The following THSD7B variants were observed in gnomAD, a reference collection of about 807,000 sequenced individuals.
THSD7B encodes thrombospondin type-1 domain-containing protein 7B.
THSD7B carries 138 observed loss-of-function variants against 213.6 expected under a neutral mutation model. The ratio of observed to expected loss-of-function variants is 0.65; its 90% CI spans 0.56 to 0.74. The LOEUF (loss-of-function observed/expected upper bound fraction) is 0.74. Ranked by LOEUF, THSD7B falls within the 30% of genes least tolerant of loss-of-function variation. The probability of loss-of-function intolerance (pLI) is 0.00; values close to 1 mark genes in which losing one functional copy is unlikely to be tolerated. For synonymous variants in THSD7B, 742 were observed against 687.0 expected (o/e 1.08, Z -1.25); for missense variants, 1,931 against 1,991.5 (o/e 0.97, Z 0.58).
intron 5 of THSD7B, among the ~76,000 whole-genome samples, chr2:137,147,530 T>C (rs1466599798): frequency 6.6e-6 from 1 of 151,088 alleles, no homozygotes; most frequent in Non-Finnish European, 1.5e-5. Flanking sequence ...CTTGTCTGGT[T>C]TTTTTTTTGT....
At chr2:136,886,943 C>A (rs1170107902) in intron 2 of THSD7B, among the ~76,000 whole-genome samples, 1 of 151,936 alleles carries the variant, frequency 6.6e-6, no homozygotes. Flanking sequence ...AGAGCTACTA[C>A]CAAAGAGGTA....
At chr2:136,792,950 T>C (rs1251526724) in intron 1 of THSD7B, among the ~76,000 whole-genome samples, 3 of 152,178 alleles carry the variant, frequency 2.0e-5, no homozygotes, top group African/African-American at 7.2e-5. Flanking sequence ...GTAGTATTCC[T>C]TTGTCTTGAT....
At chr2:137,380,543 A>G (rs1685750431) in intron 12 of THSD7B, among the ~76,000 whole-genome samples, 1 of 152,250 alleles carries the variant, frequency 6.6e-6, no homozygotes, top group Admixed American at 6.5e-5. Flanking sequence ...GCAGAGGGAC[A>G]GATGGAAAGG....
intron 15 of THSD7B, among the ~76,000 whole-genome samples, chr2:137,487,089 C>G (rs1458232407): frequency 6.7e-6 from 1 of 148,304 alleles, no homozygotes; most frequent in Non-Finnish European, 1.5e-5. Flanking sequence ...AAGAACTAGG[C>G]CGGGCGCGGT....
chr2:136,936,849 C>G (rs2105055131), intron 2 of THSD7B, among the ~76,000 whole-genome samples: 1 of 152,080 alleles, frequency 6.6e-6, no homozygotes, highest in South Asian at 2.1e-4. Flanking sequence ...GAAATGATAA[C>G]ATTTCTCCTT....
chr2:137,074,273 A>G (rs1183958878), intron 3 of THSD7B, among the ~76,000 whole-genome samples: 1 of 152,074 alleles, frequency 6.6e-6, no homozygotes, highest in African/African-American at 2.4e-5. Flanking sequence ...GTGCTCCTGT[A>G]TTGGGTGCAT....
At chr2:137,132,722 C>A (rs1688761329) in intron 5 of THSD7B, among the ~76,000 whole-genome samples, 1 of 152,144 alleles carries the variant, frequency 6.6e-6, no homozygotes, top group African/African-American at 2.4e-5. Flanking sequence ...ACAGTGATTT[C>A]CTCTTGAAGA....
At chr2:137,521,886 T>C (rs1680191529) in intron 15 of THSD7B, among the ~76,000 whole-genome samples, 1 of 30,212 alleles carries the variant, frequency 3.3e-5, no homozygotes, top group African/African-American at 2.4e-4. Flanking sequence ...AGCTGTTGAG[T>C]AACCTCTCAG....
At chr2:137,050,357 A>G (rs1687046575) in intron 2 of THSD7B, among the ~76,000 whole-genome samples, 1 of 152,202 alleles carries the variant, frequency 6.6e-6, no homozygotes, top group Non-Finnish European at 1.5e-5. Context: ...TTTGCTGTCG[A>G]GCTACTTCTA....
At chr2:137,661,770 T>C (rs1198337914) in intron 25 of THSD7B, among the ~76,000 whole-genome samples, 1 of 152,096 alleles carries the variant, frequency 6.6e-6, no homozygotes, top group Non-Finnish European at 1.5e-5. Flanking sequence ...AGAGGTCGTT[T>C]TCCCTCTCCC....
At chr2:137,399,211 A>T (rs1050460101) in intron 12 of THSD7B, among the ~76,000 whole-genome samples, 40 of 23,130 alleles carry the variant, frequency 1.7e-3, no homozygotes, top group Middle Eastern at 0.025. Context: ...TTTTTTTTTT[A>T]AACACAAGTC....
At chr2:136,861,807 C>T (rs566420011) in intron 1 of THSD7B, among the ~76,000 whole-genome samples, 5 of 152,264 alleles carry the variant, frequency 3.3e-5, no homozygotes, top group African/African-American at 1.2e-4. Flanking sequence ...TGCTGTAGGT[C>T]AGGAACCTGA....
intron 2 of THSD7B, among the ~76,000 whole-genome samples, chr2:136,953,521 G>T (rs1362280848): frequency 1.3e-5 from 2 of 150,890 alleles, no homozygotes; most frequent in Non-Finnish European, 2.9e-5. Flanking sequence ...TACATGTAGA[G>T]ATTATTTCTA....
At chr2:137,234,901 A>C (rs917526950) in intron 9 of THSD7B, among the ~76,000 whole-genome samples, 1 of 152,190 alleles carries the variant, frequency 6.6e-6, no homozygotes, top group Non-Finnish European at 1.5e-5. Flanking sequence ...GCTCATAAAT[A>C]CTGTTTTTGC....
chr2:136,797,172 A>G (rs932858714), intron 1 of THSD7B, among the ~76,000 whole-genome samples: 17 of 152,094 alleles, frequency 1.1e-4, no homozygotes, highest in African/African-American at 3.9e-4. Context: ...ACAGACCTTC[A>G]AATGCTGGAA....
rs550029528 is a variant in THSD7B at position 137,408,770 on chromosome 2, T to C, written c.2696-2839T>C. ...ATGCTGTGCAAGTCCCTGGCTCATG[T>C]TCCCCTCCCTCCGTCTTCAAAGCCA... On this transcript the variant is annotated intron_variant, in intron 13 of 27. Coordinates refer to ENST00000409968, the MANE Select transcript of THSD7B (RefSeq NM_001316349.2). Among the ~76,000 whole-genome samples, 155 of 152,280 alleles carry C rather than the reference T, an allele frequency of 1.0e-3. 1 individual carries two copies. Among genetic ancestry groups the C allele is most frequent in the Non-Finnish European group, 1.6e-3 (110 of 68,024 alleles).
chr2:136,870,892 TG>T (rs1205158584), intron 1 of THSD7B, among the ~76,000 whole-genome samples: 1 of 152,140 alleles, frequency 6.6e-6, no homozygotes, highest in East Asian at 1.9e-4. Context: ...GGATTTTCTG[TG>T]AGGAATGCAT....
chr2:137,384,355 CCTGT>C (rs1344026779), intron 12 of THSD7B, among the ~76,000 whole-genome samples: 1 of 152,202 alleles, frequency 6.6e-6, no homozygotes, highest in East Asian at 1.9e-4. Context: ...TTCTCTGCAA[CCTGT>C]CTGCCATTAT....
At chr2:137,241,486 G>T (rs1472503737) in intron 9 of THSD7B, among the ~76,000 whole-genome samples, 1 of 152,080 alleles carries the variant, frequency 6.6e-6, no homozygotes, top group Non-Finnish European at 1.5e-5. Context: ...CCAAGTCTGG[G>T]CACTAAATTA....
Sources: allele counts gnomAD v4.1 joint callset (sites outside exome capture counted in the v4.1 genomes callset), GRCh38; gene constraint gnomAD v4.1.1; transcripts MANE v1.5; gene names NCBI Gene and HGNC (gene_info 2026-07-23, HGNC 2026-07-21).